The following HS6ST3 variants were observed in gnomAD, a reference collection of about 807,000 sequenced individuals.
HS6ST3 encodes heparan-sulfate 6-O-sulfotransferase 3.
In HS6ST3, 12 loss-of-function variants were observed where a neutral mutation model predicts 36.7. The ratio of observed to expected loss-of-function variants is 0.33; its 90% confidence interval spans 0.21 to 0.53. The LOEUF (loss-of-function observed/expected upper bound fraction) is 0.53. Ranked by LOEUF, HS6ST3 falls within the 20% of genes least tolerant of loss-of-function variation. The pLI is 0.95. For synonymous variants in HS6ST3, 240 were observed against 257.5 expected, an observed-to-expected ratio of 0.93 and a Z score of 0.65; for missense variants, 584 against 640.9, an observed-to-expected ratio of 0.91 and a Z score of 0.96.
At chr13:96,485,087 T>G (rs1476427884) in intron 1 of HS6ST3, among the ~76,000 whole-genome samples, 1 of 152,182 alleles carries the variant, frequency 6.6e-6, no homozygotes, top group African/African-American at 2.4e-5. Flanking sequence ...CTTATCCATA[T>G]AAACCTTAGA....
chr13:96,224,595 G>A (rs1279153973), intron 1 of HS6ST3, among the ~76,000 whole-genome samples: 1 of 152,164 alleles, frequency 6.6e-6, no homozygotes, highest in Non-Finnish European at 1.5e-5. Context: ...GATTATAGGC[G>A]TGAGCCATCA....
intron 1 of HS6ST3, among the ~76,000 whole-genome samples, chr13:96,532,509 T>A (rs2056139679): frequency 6.6e-6 from 1 of 152,196 alleles, no homozygotes; most frequent in Non-Finnish European, 1.5e-5. Context: ...AAAAGGAGAA[T>A]GTTGATAGAA....
At chr13:96,534,588 A>G (rs2056147999) in intron 1 of HS6ST3, among the ~76,000 whole-genome samples, 1 of 152,192 alleles carries the variant, frequency 6.6e-6, no homozygotes, top group Non-Finnish European at 1.5e-5. Context: ...GGTTGTCACT[A>G]TTTATATGCT....
At chr13:96,320,943 C>T (rs571691957) in intron 1 of HS6ST3, among the ~76,000 whole-genome samples, 18 of 152,306 alleles carry the variant, frequency 1.2e-4, no homozygotes, top group Admixed American at 3.3e-4. Context: ...ATTTGTCTCA[C>T]ACCCTTGCAT....
rs554012329 is a variant in HS6ST3 at position 96,634,629 on chromosome 13, G to A, written c.708-197861G>A. 5.9e-5 allele frequency among the ~76,000 whole-genome samples: 9 copies of A among 152,036 alleles called. No individual in the cohort carries two copies. In the East Asian group the frequency reaches 1.2e-3, roughly 20 times the overall value. On this transcript the variant is annotated intron_variant, in intron 1 of 1. Coordinates refer to ENST00000376705, the MANE Select transcript of HS6ST3 (RefSeq NM_153456.4). ...TACTCTACATTGGCTTCACTCTACC[G>A]CAATGTGGCATTAACACTCTTTCCT...
chr13:96,662,364 A>G (rs1394468702), intron 1 of HS6ST3, among the ~76,000 whole-genome samples: 1 of 152,094 alleles, frequency 6.6e-6, no homozygotes, highest in Non-Finnish European at 1.5e-5. Flanking sequence ...TTCAATCTTG[A>G]AATTTCTTCT....
rs368514301 is a variant in HS6ST3 at position 96,090,845 on chromosome 13, C to G, written c.-18C>G. On this transcript the variant is annotated 5_prime_UTR_variant, in exon 1 of 2. Transcript: ENST00000376705. ...CCGCCGCCGCCGCCGCTTCGCCTGC[C>G]GGCCTGAGAGCGGGACCATGGATGA... 3.4e-6 allele frequency: 5 copies of G among 1,479,860 alleles called. No individual in the cohort carries two copies. Among genetic ancestry groups the G allele is most frequent in the Admixed American group, 2.3e-5 (1 of 44,280 alleles). The allele number at this position is 1,479,860 out of a possible 1,614,324, so 91.7% of individuals were successfully genotyped here.
intron 1 of HS6ST3, among the ~76,000 whole-genome samples, chr13:96,345,722 A>G (rs1284575494): frequency 6.6e-6 from 1 of 152,152 alleles, no homozygotes; most frequent in Non-Finnish European, 1.5e-5. Context: ...TCTACCTCAG[A>G]TCATCAGGCA....
intron 1 of HS6ST3, among the ~76,000 whole-genome samples, chr13:96,486,552 G>A (rs968942256): frequency 9.2e-5 from 14 of 152,036 alleles, no homozygotes; most frequent in African/African-American, 1.9e-4. Flanking sequence ...TTTAATGTTC[G>A]CCATTCTAAC....
chr13:96,344,789 A>G (rs2055145946), intron 1 of HS6ST3, among the ~76,000 whole-genome samples: 1 of 152,162 alleles, frequency 6.6e-6, no homozygotes, highest in Non-Finnish European at 1.5e-5. Flanking sequence ...CAGGAATACT[A>G]TCCTAGGAAT....
intron 1 of HS6ST3, among the ~76,000 whole-genome samples, chr13:96,766,754 A>G (rs1474434584): frequency 2.0e-5 from 3 of 152,194 alleles, no homozygotes; most frequent in Non-Finnish European, 4.4e-5. Flanking sequence ...TACAATTTAT[A>G]GCTACCAGGC....
At chr13:96,440,185 G>A (rs949198981) in intron 1 of HS6ST3, among the ~76,000 whole-genome samples, 3 of 152,180 alleles carry the variant, frequency 2.0e-5, no homozygotes, top group South Asian at 2.1e-4. Flanking sequence ...GGTGGCTCAC[G>A]CCTATAATCC....
intron 1 of HS6ST3, among the ~76,000 whole-genome samples, chr13:96,201,909 G>A (rs925200356): frequency 6.6e-6 from 1 of 152,056 alleles, no homozygotes; most frequent in Non-Finnish European, 1.5e-5. Flanking sequence ...TGGATTATTT[G>A]TGGCAAATAC....
intron 1 of HS6ST3, among the ~76,000 whole-genome samples, chr13:96,533,912 G>T (rs750061074): frequency 2.6e-5 from 4 of 152,322 alleles, no homozygotes; most frequent in Non-Finnish European, 5.9e-5. Context: ...TTCTGTGAGA[G>T]CTGTCATAGT....
intron 1 of HS6ST3, among the ~76,000 whole-genome samples, chr13:96,681,751 C>G (rs2056719002): frequency 6.6e-6 from 1 of 152,106 alleles, no homozygotes; most frequent in Admixed American, 6.6e-5. Context: ...CTTTTCCCTG[C>G]AGTAAGTCTA....
rs572831913 is a variant in HS6ST3, at chr13:96,568,495, G to A, written c.708-263995G>A. ...TTGGTCAGGCTGGTCCTGACCTCGT[G>A]ATCTGCCCGCCTCGGCCTCCCAAAG... On this transcript the variant is annotated intron_variant, in intron 1 of 1. Transcript: ENST00000376705. Among the ~76,000 whole-genome samples, 370 of 152,290 alleles carry A rather than the reference G, an allele frequency of 2.4e-3. 1 individual carries two copies. The highest frequency in any genetic ancestry group is 8.4e-3 in the African/African-American group (351 of 41,558).
At chr13:96,696,243 T>G (rs945037315) in intron 1 of HS6ST3, among the ~76,000 whole-genome samples, 35 of 152,304 alleles carry the variant, frequency 2.3e-4, no homozygotes, top group African/African-American at 8.4e-4. Context: ...GATGTCTTCT[T>G]TCTCAAGGGT....
intron 1 of HS6ST3, among the ~76,000 whole-genome samples, chr13:96,269,875 G>T (rs2054711301): frequency 1.3e-5 from 2 of 151,850 alleles, no homozygotes; most frequent in South Asian, 2.1e-4. Flanking sequence ...TTTTCGTTGA[G>T]CCCAGCTTCT....
At chr13:96,656,500 C>T (rs2056625392) in intron 1 of HS6ST3, among the ~76,000 whole-genome samples, 1 of 152,118 alleles carries the variant, frequency 6.6e-6, no homozygotes, top group Admixed American at 6.6e-5. Context: ...GACCACATTT[C>T]AAACTTCTGC....
Sources: allele counts gnomAD v4.1 joint callset (sites outside exome capture counted in the v4.1 genomes callset), GRCh38; gene constraint gnomAD v4.1.1; transcripts MANE v1.5; gene names NCBI Gene and HGNC (gene_info 2026-07-23, HGNC 2026-07-21).